KIF16B: variants seen among roughly 807,000 people sequenced by gnomAD.
KIF16B encodes kinesin family member 16B, also known as kinesin-like protein KIF16B.
KIF16B carries 98 observed loss-of-function variants against 156.3 expected under a neutral mutation model. The ratio of observed to expected loss-of-function variants is 0.63; its 90% CI spans 0.53 to 0.74. The LOEUF is 0.74. Among genes scored for constraint, KIF16B ranks in the 30% least tolerant of loss-of-function variants. KIF16B has a pLI of 0.00. For synonymous variants in KIF16B, 564 were observed against 583.7 expected, an observed-to-expected ratio of 0.97 and a Z score of 0.49; for missense variants, 1,421 against 1,606.5, an observed-to-expected ratio of 0.88 and a Z score of 1.97.
At chr20:16,477,932 A>G (rs1031030924) in intron 12 of KIF16B, among the ~76,000 whole-genome samples, 2 of 152,150 alleles carry the variant, frequency 1.3e-5, no homozygotes, top group Non-Finnish European at 2.9e-5. Flanking sequence ...AGCAGAACCC[A>G]AAAGACTCAC....
chr20:16,319,415 C>A (rs747003646), intron 24 of KIF16B, among the ~76,000 whole-genome samples: 1 of 152,030 alleles, frequency 6.6e-6, no homozygotes, highest in Admixed American at 6.6e-5. Flanking sequence ...ATCCTACACA[C>A]GAGGAGCTGA....
At chr20:16,552,565 G>A (rs371010365) in intron 1 of KIF16B, among the ~76,000 whole-genome samples, 2 of 152,042 alleles carry the variant, frequency 1.3e-5, no homozygotes, top group East Asian at 1.9e-4. Flanking sequence ...CCCACCATGG[G>A]CTTCCACAGC....
At chr20:16,371,873 C>A in intron 20 of KIF16B, 112 bp from the exon 21 acceptor site, 2 of 667,322 alleles carry the variant, frequency 3.0e-6, no homozygotes, top group Non-Finnish European at 5.4e-6. Context: ...TTCTAAATAC[C>A]AAACCTAACA....
intron 3 of KIF16B, among the ~76,000 whole-genome samples, chr20:16,518,902 C>T (rs544109178): frequency 1.3e-5 from 2 of 152,270 alleles, no homozygotes; most frequent in African/African-American, 4.8e-5. Flanking sequence ...CAGCCACTTC[C>T]TGTGCCTGAT....
chr20:16,296,043 G>A (rs1456985953), intron 25 of KIF16B, among the ~76,000 whole-genome samples: 1 of 152,162 alleles, frequency 6.6e-6, no homozygotes, highest in Non-Finnish European at 1.5e-5. Flanking sequence ...AAGAGCTTCA[G>A]TTTCAAAGAC....
At chr20:16,336,902 T>C (rs2064048514) in intron 23 of KIF16B, among the ~76,000 whole-genome samples, 1 of 152,212 alleles carries the variant, frequency 6.6e-6, no homozygotes, top group African/African-American at 2.4e-5. Context: ...TTTAGGCCTT[T>C]GGGTCTCCTG....
At chr20:16,289,594 C>G (rs1374466226) in intron 25 of KIF16B, among the ~76,000 whole-genome samples, 4 of 152,214 alleles carry the variant, frequency 2.6e-5, no homozygotes, top group Non-Finnish European at 5.9e-5. Flanking sequence ...TGGCTCACGC[C>G]TGTAATCCCA....
chr20:16,401,980 A>C (rs2065667415), intron 17 of KIF16B, among the ~76,000 whole-genome samples: 1 of 152,146 alleles, frequency 6.6e-6, no homozygotes. Context: ...GCTCTCTTAA[A>C]AAACAGTCAA....
At chr20:16,355,103 G>A (rs1196093124) in intron 23 of KIF16B, among the ~76,000 whole-genome samples, 3 of 151,820 alleles carry the variant, frequency 2.0e-5, no homozygotes, top group African/African-American at 7.3e-5. Context: ...TAGAAAAGAA[G>A]TTATTTACAT....
intron 1 of KIF16B, among the ~76,000 whole-genome samples, chr20:16,538,269 A>G (rs763195442): frequency 6.6e-6 from 1 of 152,180 alleles, no homozygotes; most frequent in African/African-American, 2.4e-5. Context: ...TCAGCTGAAA[A>G]CTACAACGCC....
intron 23 of KIF16B, among the ~76,000 whole-genome samples, chr20:16,340,050 G>A (rs1461334945): frequency 6.6e-6 from 1 of 152,258 alleles, no homozygotes; most frequent in South Asian, 2.1e-4. Flanking sequence ...AGTTCTTCCA[G>A]TGATCTACAA....
At chr20:16,313,851 T>C (rs2063657721) in intron 24 of KIF16B, among the ~76,000 whole-genome samples, 1 of 152,236 alleles carries the variant, frequency 6.6e-6, no homozygotes, top group African/African-American at 2.4e-5. Flanking sequence ...TTGGGCTTTT[T>C]GTTAGTTTCC....
At chr20:16,317,411 A>T (rs1009225858) in intron 24 of KIF16B, among the ~76,000 whole-genome samples, 4 of 152,220 alleles carry the variant, frequency 2.6e-5, no homozygotes, top group Non-Finnish European at 5.9e-5. Context: ...TTACATAAAA[A>T]TGTTCAAGAT....
chr20:16,482,376 G>A (rs2068005711), intron 12 of KIF16B, among the ~76,000 whole-genome samples: 2 of 152,034 alleles, frequency 1.3e-5, no homozygotes, highest in South Asian at 4.1e-4. Context: ...TACAAACGGA[G>A]GGCAAGTCCA....
intron 24 of KIF16B, among the ~76,000 whole-genome samples, chr20:16,324,053 C>A (rs916453523): frequency 5.3e-5 from 8 of 151,912 alleles, no homozygotes; most frequent in African/African-American, 1.9e-4. Context: ...GTGAAAGATA[C>A]TTCAGATCTG....
chr20:16,399,363 C>T (rs934836874), intron 17 of KIF16B, among the ~76,000 whole-genome samples: 2 of 152,154 alleles, frequency 1.3e-5, no homozygotes, highest in Admixed American at 6.5e-5. Context: ...ATACTACCAC[C>T]GTCCTGATTT....
At chr20:16,537,464 C>G (rs116095091) in intron 1 of KIF16B, among the ~76,000 whole-genome samples, 150 of 152,168 alleles carry the variant, frequency 9.9e-4, no homozygotes, top group African/African-American at 3.3e-3. Flanking sequence ...TATAGCCCTC[C>G]CCAGCCTCTG....
intron 25 of KIF16B, among the ~76,000 whole-genome samples, chr20:16,294,068 G>A (rs2063349534): frequency 6.6e-6 from 1 of 152,154 alleles, no homozygotes; most frequent in Admixed American, 6.5e-5. Flanking sequence ...CAAAATGAAA[G>A]AGTTGCTGCT....
chr20:16,523,988 C>CT (rs1393580204), intron 3 of KIF16B, among the ~76,000 whole-genome samples: 1 of 152,174 alleles, frequency 6.6e-6, no homozygotes, highest in Non-Finnish European at 1.5e-5. Context: ...AAAACTGAAA[C>CT]TGGACCCCTT....
Sources: gnomAD v4.1 joint callset for allele counts (sites outside exome capture counted in the v4.1 genomes callset) on GRCh38, gnomAD v4.1.1 for gene constraint, MANE v1.5 for transcripts, NCBI Gene and HGNC (gene_info 2026-07-23, HGNC 2026-07-21) for gene names.